The following NELL2 variants were observed in gnomAD, a reference collection of about 807,000 sequenced individuals.
NELL2 encodes neural EGFL like 2, also known as protein kinase C-binding protein NELL2.
NELL2 carries 41 observed loss-of-function variants against 109.6 expected under a neutral mutation model. That is an observed-to-expected ratio of 0.37 (90% confidence interval 0.29 to 0.49). NELL2 has a LOEUF of 0.49. Among genes scored for constraint, NELL2 ranks in the 20% least tolerant of loss-of-function variants. The pLI is 0.98. For missense variants in NELL2, 900 were observed against 1,008.3 expected (o/e 0.89, Z 1.45); for synonymous variants, 355 against 344.7 (o/e 1.03, Z -0.33).
At chr12:44,713,383 C>T (rs551420685) in intron 10 of NELL2, among the ~76,000 whole-genome samples, 5 of 151,992 alleles carry the variant, frequency 3.3e-5, no homozygotes, top group Admixed American at 3.3e-4. Flanking sequence ...AGTAACTTCT[C>T]TGAGTCTCTT....
intron 9 of NELL2, among the ~76,000 whole-genome samples, chr12:44,752,441 A>G (rs1158125839): frequency 6.6e-6 from 1 of 152,192 alleles, no homozygotes; most frequent in Non-Finnish European, 1.5e-5. Flanking sequence ...TAGAGAAACA[A>G]TGAAATCAAG....
intron 12 of NELL2, among the ~76,000 whole-genome samples, chr12:44,683,214 T>C (rs1465758803): frequency 6.6e-6 from 1 of 152,188 alleles, no homozygotes; most frequent in East Asian, 1.9e-4. Flanking sequence ...GATTTGGCTC[T>C]CTGTTTGCCT....
chr12:44,568,640 T>C (rs1295322958), intron 15 of NELL2, among the ~76,000 whole-genome samples: 1 of 152,072 alleles, frequency 6.6e-6, no homozygotes, highest in Non-Finnish European at 1.5e-5. Flanking sequence ...AAATTGTTTC[T>C]GACATATGAA....
chr12:44,522,002 A>T lies in NELL2; in HGVS notation c.2173T>A (p.Leu725Met). 6.2e-7 allele frequency: 1 copy of T among 1,611,896 alleles called. No homozygotes were observed. Among genetic ancestry groups the T allele is most frequent in the Non-Finnish European group, 8.5e-7 (1 of 1,179,378 alleles). The change falls in exon 18 of 20, where the codon TTG becomes ATG. Residue 725 changes from leucine (L) to methionine (M), a missense_variant and splice_region_variant. Transcript: ENST00000429094. ...CCACTTCATGTAGCTAAATTTACCAAGCAGCGGCACTGTTGACAATTCTGG... is the reference window on the plus strand; with the variant it reads ...CCACTTCATGTAGCTAAATTTACCATGCAGCGGCACTGTTGACAATTCTGG... Reference protein sequence around the residue: ...WVQNCQQCRCLQGEVDCWPLP... With the variant: ...WVQNCQQCRCMQGEVDCWPLP...
chr12:44,578,411 G>T (rs1404388565), intron 15 of NELL2, among the ~76,000 whole-genome samples: 1 of 132,810 alleles, frequency 7.5e-6, no homozygotes, highest in Non-Finnish European at 1.6e-5. Context: ...GAAATTGAAA[G>T]TAAAGTAATT....
intron 1 of NELL2, among the ~76,000 whole-genome samples, chr12:44,905,166 A>G (rs575057295): frequency 5.3e-5 from 8 of 152,062 alleles, no homozygotes; most frequent in Non-Finnish European, 1.2e-4. Flanking sequence ...AAAGTTTTGG[A>G]TTTTGGAGAA....
At chr12:44,637,186 T>C (rs1300922693) in intron 13 of NELL2, among the ~76,000 whole-genome samples, 1 of 151,942 alleles carries the variant, frequency 6.6e-6, no homozygotes, top group Admixed American at 6.6e-5. Context: ...TTGTTGATCT[T>C]TTCAAGAAAA....
At chr12:44,716,836 A>C (rs1592389041) in intron 9 of NELL2, among the ~76,000 whole-genome samples, 1 of 152,226 alleles carries the variant, frequency 6.6e-6, no homozygotes. Flanking sequence ...TGTAAAAAAA[A>C]CACAAGGGTA....
chr12:44,744,796 T>G (rs1213995567), intron 9 of NELL2, among the ~76,000 whole-genome samples: 1 of 152,194 alleles, frequency 6.6e-6, no homozygotes, highest in Non-Finnish European at 1.5e-5. Context: ...GGCTCTGAAA[T>G]TAAGGCAATA....
At chr12:44,553,275 T>C (rs1209498670) in intron 15 of NELL2, among the ~76,000 whole-genome samples, 6 of 79,462 alleles carry the variant, frequency 7.6e-5, no homozygotes, top group Non-Finnish European at 1.5e-4. Context: ...ATAATAATAA[T>C]AATAAAAAAA....
intron 13 of NELL2, among the ~76,000 whole-genome samples, chr12:44,629,744 C>T (rs918780859): frequency 4.6e-5 from 7 of 152,194 alleles, no homozygotes; most frequent in African/African-American, 1.7e-4. Flanking sequence ...TTTCCCCAGA[C>T]ATCATCACCA....
intron 15 of NELL2, among the ~76,000 whole-genome samples, chr12:44,595,593 A>ATTTTT (rs57566164): frequency 2.5e-5 from 3 of 121,312 alleles, no homozygotes; most frequent in Non-Finnish European, 3.4e-5. Flanking sequence ...CACCCAGCTA[A>ATTTTT]TTTTTTTTTT....
intron 15 of NELL2, among the ~76,000 whole-genome samples, chr12:44,549,308 G>T (rs1942932954): frequency 6.6e-6 from 1 of 152,124 alleles, no homozygotes. Context: ...AGGGTTTTTA[G>T]AAAGCAGATG....
At chr12:44,782,809 A>G (rs1942015057) in intron 3 of NELL2, among the ~76,000 whole-genome samples, 1 of 152,012 alleles carries the variant, frequency 6.6e-6, no homozygotes, top group Non-Finnish European at 1.5e-5. Context: ...TGCAGACGTC[A>G]ACACCCCTGT....
At chr12:44,580,951 T>C (rs905489842) in intron 15 of NELL2, among the ~76,000 whole-genome samples, 4 of 152,190 alleles carry the variant, frequency 2.6e-5, no homozygotes, top group Admixed American at 1.3e-4. Flanking sequence ...GAAAATAATA[T>C]GATTGCAAAA....
chr12:44,576,884 T>C (rs1944107581), intron 15 of NELL2, among the ~76,000 whole-genome samples: 3 of 149,660 alleles, frequency 2.0e-5, no homozygotes, highest in African/African-American at 7.5e-5. Context: ...CTCATCATTT[T>C]TTATGGCTGC....
At chr12:44,518,957 T>C (rs946661432) in intron 19 of NELL2, among the ~76,000 whole-genome samples, 5 of 152,246 alleles carry the variant, frequency 3.3e-5, no homozygotes, top group African/African-American at 7.2e-5. Flanking sequence ...ACAAATTGCA[T>C]TGATTGAAAG....
intron 9 of NELL2, among the ~76,000 whole-genome samples, chr12:44,770,713 T>C (rs1941512958): frequency 6.6e-6 from 1 of 152,198 alleles, no homozygotes; most frequent in Non-Finnish European, 1.5e-5. Context: ...ACTAGGCAAA[T>C]ACCAACCAGT....
intron 9 of NELL2, among the ~76,000 whole-genome samples, chr12:44,739,481 T>C (rs373981027): frequency 1.5e-4 from 23 of 152,316 alleles, no homozygotes; most frequent in African/African-American, 5.1e-4. Context: ...CCACCAGTTT[T>C]GTACAGGCTT....
Sources: gnomAD v4.1 joint callset for allele counts (sites outside exome capture counted in the v4.1 genomes callset) on GRCh38, gnomAD v4.1.1 for gene constraint, MANE v1.5 for transcripts, NCBI Gene and HGNC (gene_info 2026-07-23, HGNC 2026-07-21) for gene names.